Variants in DYNLL1 observed in about 807,000 individuals in gnomAD.
The protein encoded by DYNLL1 is dynein light chain 1, cytoplasmic.
Under a neutral mutation model 10.1 loss-of-function variants are expected in DYNLL1, and 3 were observed. That is an observed-to-expected ratio of 0.30 (90% CI 0.14 to 0.77). The LOEUF (loss-of-function observed/expected upper bound fraction) is 0.77, where lower values mean the gene tolerates loss of function less well. Among genes scored for constraint, DYNLL1 ranks in the 30% least tolerant of loss-of-function variants. The pLI, the probability that DYNLL1 is intolerant of heterozygous loss-of-function variation, is 0.66. For missense variants in DYNLL1, 47 were observed against 111.7 expected (o/e 0.42, Z 2.61); for synonymous variants, 46 against 41.2 (o/e 1.12, Z -0.45).
Position 120,496,176 on chromosome 12 carries a change from C to A in DYNLL1, c.-47C>A. On this transcript the variant is annotated 5_prime_UTR_variant, in exon 1 of 3. Coordinates refer to ENST00000242577, the MANE Select transcript of DYNLL1 (RefSeq NM_003746.3). ...CGGGCCTGAGCTGTGCTAGCACCTCCCCCAGGAGACCGTTGCAGTCGGCCA... is the reference window on the plus strand; with the variant it reads ...CGGGCCTGAGCTGTGCTAGCACCTCACCCAGGAGACCGTTGCAGTCGGCCA... The A allele has an allele frequency of 1.6e-6, 1 of 613,384 alleles. No individual in the cohort carries two copies. The highest frequency in any genetic ancestry group is 2.9e-6 in the Non-Finnish European group (1 of 350,502). The allele number at this position is 613,384 out of a possible 1,614,324, so 38.0% of individuals were successfully genotyped here.
upstream of DYNLL1, chr12:120,496,108 T>C (rs1464246308): frequency 8.6e-6 from 4 of 466,950 alleles, no homozygotes; most frequent in Non-Finnish European, 1.6e-5. Context: ...GGCGTGGGGC[T>C]GCTTAGATGC....
chr12:120,496,380 C>T (rs781259831), intron 1 of DYNLL1, 36 bp from the exon 2 acceptor site: 1 of 1,612,014 alleles, frequency 6.2e-7, no homozygotes, highest in Admixed American at 1.7e-5. Context: ...GGGGCGCGGC[C>T]CAACTCAACC....
At chr12:120,480,239 C>T (rs1050504693) in intron 1 of DYNLL1, among the ~76,000 whole-genome samples, 5 of 152,164 alleles carry the variant, frequency 3.3e-5, no homozygotes, top group Non-Finnish European at 5.9e-5. Flanking sequence ...CCAGAGGGGG[C>T]TGGTTAAGCA....
At chr12:120,484,290 C>A (rs1878946228) in intron 1 of DYNLL1, among the ~76,000 whole-genome samples, 1 of 127,870 alleles carries the variant, frequency 7.8e-6, no homozygotes, top group African/African-American at 3.1e-5. Context: ...TAGATAGGAG[C>A]ATGAACAGTT....
chr12:120,476,785 A>G (rs1184168715), intron 1 of DYNLL1, among the ~76,000 whole-genome samples: 2 of 151,362 alleles, frequency 1.3e-5, no homozygotes, highest in East Asian at 1.9e-4. Context: ...CTAATTCTGT[A>G]TTTTTTAGTA....
chr12:120,487,046 C>T (rs1358003316), intron 1 of DYNLL1, among the ~76,000 whole-genome samples: 1 of 150,104 alleles, frequency 6.7e-6, no homozygotes, highest in Non-Finnish European at 1.5e-5. Flanking sequence ...GCCATCTCGG[C>T]TCACTGCAAG....
In DYNLL1 at chr12:120,471,744, G is replaced by A. The variant is rs573787795; in HGVS notation, c.-7+1640G>A. Among the ~76,000 whole-genome samples the A allele has an allele frequency of 5.9e-5, 9 of 152,122 alleles. No homozygotes were observed. In the East Asian group the frequency reaches 1.8e-3, roughly 30 times the overall value. ...TCCCGCCTCAGCCTCCTGAGTAGCT[G>A]GGACTACAGGTGCCTGCCACCACGC... On this transcript the variant is annotated intron_variant, in intron 1 of 2. Coordinates refer to the DYNLL1 transcript ENST00000392509.
chr12:120,479,449 C>CAAAAAAAAAAAAAAAAAAAAAAAAA (rs71076617), intron 1 of DYNLL1, among the ~76,000 whole-genome samples: 4 of 76,116 alleles, frequency 5.3e-5, no homozygotes, highest in Non-Finnish European at 7.8e-5. Flanking sequence ...ACTCCGTCTC[C>CAAAAAAAAAAAAAAAAAAAAAAAAA]AAAAAAAAAA....
chr12:120,492,258 G>A (rs1879151672), upstream of DYNLL1: 1 of 152,172 alleles, frequency 6.6e-6, no homozygotes, highest in Non-Finnish European at 1.5e-5. The surrounding 1 kb of genome is among the most constrained non-coding windows in gnomAD (Gnocchi z 4.1). Context: ...TAGGTCTCTA[G>A]ATGCATTATT....
Position 120,498,159 on chromosome 12 carries a change from C to A in DYNLL1, c.219C>A (p.Phe73Leu). The change falls in exon 3 of 3, where the codon TTC (phenylalanine) becomes TTA (leucine). Residue 73 changes from phenylalanine to leucine, a missense_variant. Physicochemically the swap from Phe to Leu is conservative, Grantham distance 22. Transcript: ENST00000242577. ...ATGTGACACATGAAACCAAACACTT[C>A]ATCTACTTCTACCTGGGCCAAGTGG... ...GSYVTHETKHFIYFYLGQVAI... is the reference protein window; with the variant it reads ...GSYVTHETKHLIYFYLGQVAI... 6.2e-7 allele frequency: 1 copy of A among 1,614,012 alleles called. No individual in the cohort carries two copies. Among genetic ancestry groups the A allele is most frequent in the Non-Finnish European group, 8.5e-7 (1 of 1,180,016 alleles).
At chr12:120,477,371 C>T (rs903548006) in intron 1 of DYNLL1, among the ~76,000 whole-genome samples, 2 of 152,114 alleles carry the variant, frequency 1.3e-5, no homozygotes, top group Non-Finnish European at 2.9e-5. Flanking sequence ...CCACATTTAT[C>T]GAGCCATAGA....
At chr12:120,482,537 T>C (rs1279725194) in intron 1 of DYNLL1, among the ~76,000 whole-genome samples, 1 of 151,690 alleles carries the variant, frequency 6.6e-6, no homozygotes, top group Non-Finnish European at 1.5e-5. Context: ...TTAGCCAAGA[T>C]GGTTTCAATC....
At chr12:120,483,736 G>A (rs764134565) in intron 1 of DYNLL1, among the ~76,000 whole-genome samples, 12 of 152,170 alleles carry the variant, frequency 7.9e-5, no homozygotes, top group Non-Finnish European at 1.5e-4. Flanking sequence ...TGAAAATGGA[G>A]ACTCCCAAGA....
chr12:120,485,661 G>C (rs2137063409), intron 1 of DYNLL1, among the ~76,000 whole-genome samples: 1 of 151,912 alleles, frequency 6.6e-6, no homozygotes, highest in Middle Eastern at 3.4e-3. Flanking sequence ...GCAACATAGT[G>C]ATACCTCATT....
intron 1 of DYNLL1, among the ~76,000 whole-genome samples, chr12:120,472,201 C>T (rs4767902): frequency 0.26 from 39,410 of 151,708 alleles, 5,952 homozygotes; most frequent in East Asian, 0.5. Flanking sequence ...AAAAAGCTTT[C>T]CAAATGTTGT....
chr12:120,496,698 A>C, intron 2 of DYNLL1, 145 bp downstream of exon 2: 1 of 1,336,262 alleles, frequency 7.5e-7, no homozygotes, highest in Non-Finnish European at 1.0e-6. Context: ...ACGCAGATGC[A>C]TTTTGCGCTC....
At chr12:120,497,942 ATTCT>A in intron 2 of DYNLL1, 127 bp from the exon 3 acceptor site, 2 of 894,094 alleles carry the variant, frequency 2.2e-6, no homozygotes, top group East Asian at 2.7e-5. Flanking sequence ...GCTGGGGAAC[ATTCT>A]TTCATTCTAA....
At chr12:120,496,003 G>A (rs1186931140), upstream of DYNLL1, 10 of 281,972 alleles carry the variant, frequency 3.5e-5, no homozygotes, top group East Asian at 3.5e-4. Flanking sequence ...ACCAATGGAA[G>A]AATGCCGTGG....
intron 2 of DYNLL1, chr12:120,497,145 T>C (rs534981343): frequency 6.2e-6 from 1 of 162,384 alleles, no homozygotes; most frequent in Non-Finnish European, 1.4e-5. Flanking sequence ...TAAATGCCTT[T>C]TTTGACAAAC....
Sources: gnomAD v4.1 joint callset for allele counts (sites outside exome capture counted in the v4.1 genomes callset) on GRCh38, gnomAD v4.1.1 for gene constraint, Gnocchi (gnomAD v3.1) non-coding constraint, MANE v1.5 for transcripts, NCBI Gene and HGNC (gene_info 2026-07-23, HGNC 2026-07-21) for gene names.